Variants in TMPRSS11F observed in about 807,000 individuals in gnomAD.
The protein encoded by TMPRSS11F is transmembrane protease serine 11F.
TMPRSS11F carries 47 observed loss-of-function variants against 60.2 expected under a neutral mutation model. The ratio of observed to expected loss-of-function variants is 0.78; its 90% CI spans 0.62 to 1.00. The LOEUF is 1.00. Among genes scored for constraint, TMPRSS11F ranks in the 50% least tolerant of loss-of-function variants. The probability of loss-of-function intolerance (pLI) is 0.00; values close to 1 mark genes in which losing one functional copy is unlikely to be tolerated. For synonymous variants in TMPRSS11F, 166 were observed against 167.3 expected (o/e 0.99, Z 0.06); for missense variants, 519 against 522.9 (o/e 0.99, Z 0.07).
chr4:68,056,961 G>A (rs1034272460), intron 9 of TMPRSS11F, among the ~76,000 whole-genome samples: 3 of 152,112 alleles, frequency 2.0e-5, no homozygotes, highest in African/African-American at 7.2e-5. Context: ...TCAATAAATG[G>A]TGCTGGGAAA....
Position 68,094,100 on chromosome 4 carries a change from A to G in TMPRSS11F, c.164-3459T>C, listed in dbSNP as rs372507625. ...TGCTGCTATAAAGACACATGCACAC[A>G]TATGTTTATTGCGGCATTATTCACA... On this transcript the variant is annotated intron_variant, in intron 2 of 9. Coordinates refer to ENST00000356291, the MANE Select transcript of TMPRSS11F (RefSeq NM_207407.2). 6.6e-4 allele frequency among the ~76,000 whole-genome samples: 84 copies of G among 127,628 alleles called. 3 individuals carry two copies. In the South Asian group the frequency reaches 0.011, roughly 16 times the overall value. 83.7% of individuals were successfully genotyped at this position (127,628 alleles called of 152,430 possible). A position where few individuals can be genotyped will look rare whatever the true frequency, so the allele number is the denominator to read the frequency against.
At chr4:68,066,683 C>A (rs1723334876) in intron 7 of TMPRSS11F, among the ~76,000 whole-genome samples, 1 of 152,128 alleles carries the variant, frequency 6.6e-6, no homozygotes, top group African/African-American at 2.4e-5. Flanking sequence ...CGCCTATAAT[C>A]CCAGCACTAT....
intron 3 of TMPRSS11F, among the ~76,000 whole-genome samples, chr4:68,086,569 AG>A (rs1235554784): frequency 6.6e-6 from 1 of 152,170 alleles, no homozygotes; most frequent in African/African-American, 2.4e-5. Context: ...TGTTAAAAAA[AG>A]ATCAACAAAA....
intron 6 of TMPRSS11F, among the ~76,000 whole-genome samples, chr4:68,069,644 A>G (rs959764513): frequency 6.6e-6 from 1 of 152,048 alleles, no homozygotes; most frequent in Non-Finnish European, 1.5e-5. Flanking sequence ...TAAAGCCTAA[A>G]TGTTACCAGT....
rs541223132 is a variant in TMPRSS11F, at chr4:68,059,233, AT to A, written c.1158+92del. 1,396 of 1,317,694 alleles carry A rather than the reference AT, an allele frequency of 1.1e-3. 23 individuals carry two copies. In the South Asian group the frequency reaches 0.014, roughly 14 times the overall value. 81.6% of individuals were successfully genotyped at this position (1,317,694 alleles called of 1,614,324 possible). ...GTCAGTTCTCGGTGTAAGAGATGCCATTTTTTTTTCTCCTAGGTAAAATATA... is the reference window on the plus strand; with the variant it reads ...GTCAGTTCTCGGTGTAAGAGATGCCATTTTTTTTCTCCTAGGTAAAATATA... On this transcript the variant is annotated intron_variant, in intron 9 of 9. Coordinates refer to ENST00000356291, the MANE Select transcript of TMPRSS11F (RefSeq NM_207407.2).
intron 2 of TMPRSS11F, among the ~76,000 whole-genome samples, chr4:68,092,060 A>G (rs1723954908): frequency 6.6e-6 from 1 of 152,136 alleles, no homozygotes; most frequent in African/African-American, 2.4e-5. Flanking sequence ...TGCTGGGATT[A>G]CAGGTGTGAG....
chr4:68,072,549 AG>A, intron 4 of TMPRSS11F, 63 bp from the exon 5 acceptor site: 1 of 1,287,964 alleles, frequency 7.8e-7, no homozygotes, highest in Non-Finnish European at 1.0e-6. Context: ...TTAACTTATT[AG>A]GACTCACATT....
chr4:68,081,457 G>T (rs1423028918), intron 3 of TMPRSS11F, among the ~76,000 whole-genome samples: 1 of 152,166 alleles, frequency 6.6e-6, no homozygotes, highest in South Asian at 2.1e-4. Flanking sequence ...TGGCTTTGAG[G>T]TGTGGAATCT....
At chr4:68,095,308 CTT>C (rs1392797452) in intron 2 of TMPRSS11F, among the ~76,000 whole-genome samples, 1 of 151,890 alleles carries the variant, frequency 6.6e-6, no homozygotes, top group Non-Finnish European at 1.5e-5. Flanking sequence ...AGAGAGAACT[CTT>C]TGAAATCAAT....
At chr4:68,106,903 A>C (rs1167020769) in intron 1 of TMPRSS11F, among the ~76,000 whole-genome samples, 1 of 152,216 alleles carries the variant, frequency 6.6e-6, no homozygotes, top group Non-Finnish European at 1.5e-5. Flanking sequence ...TTCGAGTTCT[A>C]GATTCAGTAC....
Position 68,064,731 on chromosome 4 carries a change from A to T in TMPRSS11F, c.969T>A (p.Pro323=), listed in dbSNP as rs1339222592. ...CLPDSSIKLP[P]KTSVFVTGFG... ...ATCCTGTGACGAACACACTTGTTTT[A>T]GGTGGCAACTTTATAGATGAGTCTG... The change falls in exon 8 of 10, where the codon CCT becomes CCA. Residue 323 remains proline, a synonymous_variant. Transcript: ENST00000356291. 2 of 1,614,194 alleles carry T rather than the reference A, an allele frequency of 1.2e-6. No individual in the cohort carries two copies. Among genetic ancestry groups the T allele is most frequent in the Non-Finnish European group, 8.5e-7 (1 of 1,180,030 alleles).
intron 3 of TMPRSS11F, among the ~76,000 whole-genome samples, chr4:68,084,129 T>C (rs377454630): frequency 1.3e-5 from 2 of 152,006 alleles, no homozygotes; most frequent in East Asian, 3.9e-4. Flanking sequence ...AAAAAAGAAA[T>C]TTTAAAAAAG....
chr4:68,122,801 T>C (rs918293538), intron 1 of TMPRSS11F, among the ~76,000 whole-genome samples: 19 of 152,228 alleles, frequency 1.2e-4, no homozygotes, highest in African/African-American at 4.6e-4. Flanking sequence ...TTTAGACATA[T>C]GCACATTAAT....
At position 68,068,768 on chromosome 4, in the gene TMPRSS11F, G is replaced by T. The variant is rs137983995; in HGVS notation, c.605C>A (p.Ser202Tyr). The T allele has an allele frequency of 2.0e-4, 321 of 1,614,200 alleles. 1 individual carries two copies. In the African/African-American group the frequency reaches 4.0e-3, roughly 20 times the overall value. Residue 202 changes from serine (S) to tyrosine (Y), a missense_variant, in exon 7 of 10, where the codon TCT (serine) becomes TAT (tyrosine). By Grantham distance (144) the Ser-to-Tyr change is moderately radical (BLOSUM62 -2). Transcript: ENST00000356291. ...SSNMPLPASS[S>Y]TQRIVQGRET... Reference sequence around the variant, plus strand: ...CCTTCCTTGGACAATTCTTTGAGTAGAAGAGGATGCTGGTAATGGCATGTT... The same window carrying T: ...CCTTCCTTGGACAATTCTTTGAGTATAAGAGGATGCTGGTAATGGCATGTT...
rs142405108 is a variant in TMPRSS11F, at chr4:68,056,959, T to C, written c.1158+2367A>G. Among the ~76,000 whole-genome samples the C allele has an allele frequency of 1.8e-3, 277 of 152,314 alleles. 2 individuals carry two copies. The highest frequency in any genetic ancestry group is 6.1e-3 in the African/African-American group (253 of 41,566). On this transcript the variant is annotated intron_variant, in intron 9 of 9. Coordinates refer to ENST00000356291, the MANE Select transcript of TMPRSS11F (RefSeq NM_207407.2). ...AGGAAAAGATAGTCTATTCAATAAATGGTGCTGGGAAAATTGGTTATCTAT... is the reference window on the plus strand; with the variant it reads ...AGGAAAAGATAGTCTATTCAATAAACGGTGCTGGGAAAATTGGTTATCTAT...
At chr4:68,056,461 T>C (rs1199398907) in intron 9 of TMPRSS11F, among the ~76,000 whole-genome samples, 1 of 149,540 alleles carries the variant, frequency 6.7e-6, no homozygotes, top group Non-Finnish European at 1.5e-5. Flanking sequence ...AAAAAAACAC[T>C]TGGGAGTAAA....
At chr4:68,083,240 G>T (rs566490998) in intron 3 of TMPRSS11F, among the ~76,000 whole-genome samples, 1 of 152,230 alleles carries the variant, frequency 6.6e-6, no homozygotes, top group East Asian at 1.9e-4. Context: ...CTTTAGCTTG[G>T]ACTGTCACTA....
chr4:68,093,781 A>G (rs1183189105), intron 2 of TMPRSS11F, among the ~76,000 whole-genome samples: 4 of 151,770 alleles, frequency 2.6e-5, no homozygotes, highest in South Asian at 4.2e-4. Context: ...TTATGCAGCC[A>G]AAAAACACAT....
chr4:68,057,696 G>T (rs1367138130), intron 9 of TMPRSS11F, among the ~76,000 whole-genome samples: 1 of 152,012 alleles, frequency 6.6e-6, no homozygotes, highest in Admixed American at 6.6e-5. Context: ...TAAAAAATTG[G>T]CAAAGGACTT....
Sources: allele counts gnomAD v4.1 joint callset (sites outside exome capture counted in the v4.1 genomes callset), GRCh38; gene constraint gnomAD v4.1.1; transcripts MANE v1.5; gene names NCBI Gene and HGNC (gene_info 2026-07-23, HGNC 2026-07-21).